Variants in PARG observed in about 807,000 individuals in gnomAD.
PARG encodes mitochondrial poly(ADP-ribose) glycohydrolase.
Under a neutral mutation model 113.0 loss-of-function variants are expected in PARG, and 35 were observed. That is an observed-to-expected ratio of 0.31 (90% CI 0.24 to 0.41). The LOEUF (loss-of-function observed/expected upper bound fraction) is 0.41. Ranked by LOEUF, PARG falls within the 10% of genes least tolerant of loss-of-function variation. The probability of loss-of-function intolerance (pLI) is 1.00; values close to 1 mark genes in which losing one functional copy is unlikely to be tolerated. For synonymous variants in PARG, 330 were observed against 409.9 expected, an observed-to-expected ratio of 0.81 and a Z score of 2.36; for missense variants, 797 against 1,169.4, an observed-to-expected ratio of 0.68 and a Z score of 4.64.
rs1426349403 is a variant in PARG, at chr10:49,852,467, C to T, written c.2353+4839G>A. 3.3e-5 allele frequency among the ~76,000 whole-genome samples: 5 copies of T among 151,454 alleles called. No homozygotes were observed. The East Asian group carries it at 9.7e-4, about 29-fold the overall frequency. On this transcript the variant is annotated intron_variant, in intron 13 of 17. Transcript: ENST00000616448. Reference sequence around the variant, plus strand: ...AAAAAAGAAAATATTCTTATGTTTTCCTTTTAACATTCCTGTTTTATTCCC... The same window carrying T: ...AAAAAAGAAAATATTCTTATGTTTTTCTTTTAACATTCCTGTTTTATTCCC...
chr10:49,931,324 CGTAGGACTAACAAAA>C (rs1838468202), intron 4 of PARG, among the ~76,000 whole-genome samples: 1 of 152,050 alleles, frequency 6.6e-6, no homozygotes, highest in African/African-American at 2.4e-5. Flanking sequence ...AGACTGCCAC[CGTAGGACTAACAAAA>C]TAGCCACAAG....
At chr10:49,896,811 C>CTTTTA (rs1206457689) in intron 7 of PARG, among the ~76,000 whole-genome samples, 5 of 152,070 alleles carry the variant, frequency 3.3e-5, no homozygotes, top group Admixed American at 1.3e-4. Flanking sequence ...ATATATATGG[C>CTTTTA]TTTATAAATG....
chr10:49,918,766 T>C (rs1588988716), intron 6 of PARG, among the ~76,000 whole-genome samples: 1 of 152,160 alleles, frequency 6.6e-6, no homozygotes, highest in South Asian at 2.1e-4. Context: ...ACAATTACCA[T>C]AAGCAGATAG....
At chr10:49,839,984 C>T (rs1022496563) in intron 15 of PARG, among the ~76,000 whole-genome samples, 1 of 152,146 alleles carries the variant, frequency 6.6e-6, no homozygotes, top group Admixed American at 6.5e-5. Context: ...TTATTCTACT[C>T]GATATGCTCT....
intron 6 of PARG, among the ~76,000 whole-genome samples, chr10:49,920,451 T>TAAAAAAAAAAAAAAAA (rs781928566): frequency 7.0e-4 from 28 of 39,830 alleles, no homozygotes; most frequent in Non-Finnish European, 1.0e-3. Flanking sequence ...AGCCTCAAAT[T>TAAAAAAAAAAAAAAAA]AAAAAAAAAA....
At chr10:49,876,938 T>C (rs1478031354) in intron 9 of PARG, among the ~76,000 whole-genome samples, 2 of 149,786 alleles carry the variant, frequency 1.3e-5, no homozygotes, top group South Asian at 2.1e-4. Flanking sequence ...GCATATTATA[T>C]ATAAAAAAAA....
chr10:49,836,809 CA>C (rs1844959129), intron 15 of PARG, among the ~76,000 whole-genome samples: 1 of 152,106 alleles, frequency 6.6e-6, no homozygotes, highest in Non-Finnish European at 1.5e-5. Context: ...CATCAATAAA[CA>C]GATCAATTTT....
At chr10:49,878,932 G>T (rs1847084740) in intron 9 of PARG, among the ~76,000 whole-genome samples, 1 of 152,044 alleles carries the variant, frequency 6.6e-6, no homozygotes, top group Non-Finnish European at 1.5e-5. Context: ...AGAAACAGAG[G>T]TGGGGATATG....
rs370632493 is a variant in PARG at position 49,925,629 on chromosome 10, C to T, written c.1456-2960G>A. On this transcript the variant is annotated intron_variant, in intron 4 of 17. Coordinates refer to ENST00000616448, the MANE Select transcript of PARG (RefSeq NM_003631.5). ...AGAATAAATTTCTTTAAATATTTTA[C>T]AGAGTTTGACTCTATTCACCAACAT... 1.0e-3 allele frequency among the ~76,000 whole-genome samples: 155 copies of T among 152,318 alleles called. 3 individuals are homozygous for T. In the South Asian group the frequency reaches 0.029, roughly 29 times the overall value.
intron 7 of PARG, among the ~76,000 whole-genome samples, chr10:49,892,276 C>T (rs1847845654): frequency 6.6e-6 from 1 of 151,784 alleles, no homozygotes; most frequent in Non-Finnish European, 1.5e-5. Flanking sequence ...TTAATGTAAA[C>T]AAAAAGAAAA....
At chr10:49,922,823 C>A (rs1251661890) in intron 4 of PARG, among the ~76,000 whole-genome samples, 154 bp from the exon 5 acceptor site, 1 of 152,214 alleles carries the variant, frequency 6.6e-6, no homozygotes, top group Non-Finnish European at 1.5e-5. Context: ...CCATTCCTCA[C>A]CTCCATTCAA....
At chr10:49,932,682 T>C (rs1838549739) in intron 3 of PARG, among the ~76,000 whole-genome samples, 2 of 152,224 alleles carry the variant, frequency 1.3e-5, no homozygotes, top group African/African-American at 4.8e-5. Flanking sequence ...ATATAAGCTT[T>C]GTAATATGAC....
chr10:49,824,647 C>T (rs1353447067), intron 16 of PARG, among the ~76,000 whole-genome samples: 2 of 152,108 alleles, frequency 1.3e-5, no homozygotes, highest in African/African-American at 2.4e-5. Context: ...TGGTGTGAGG[C>T]CACCAGCATG....
intron 16 of PARG, among the ~76,000 whole-genome samples, chr10:49,830,483 C>T (rs146157507): frequency 6.6e-6 from 1 of 152,156 alleles, no homozygotes; most frequent in Admixed American, 6.5e-5. Context: ...AAAGCTAACT[C>T]AGTAACTTCA....
Position 49,915,933 on chromosome 10 carries a change from A to C in PARG, c.1721T>G (p.Ile574Ser). ...YSKKWDFTAL[I>S]DFWDKVLEEA... ...TACTTTTACCTTATCCCAGAAATCGATCAAAGCTGTAAAGTCCCATTTCTT... is the reference window on the plus strand; with the variant it reads ...TACTTTTACCTTATCCCAGAAATCGCTCAAAGCTGTAAAGTCCCATTTCTT... The change falls in exon 7 of 18, where the codon ATC becomes AGC. Residue 574 changes from isoleucine (I) to serine (S), a missense_variant. Ile to Ser is a moderately radical substitution (Grantham distance 142). Transcript: ENST00000616448. 6.6e-7 allele frequency: 1 copy of C among 1,517,280 alleles called. No homozygotes were observed. The highest frequency in any genetic ancestry group is 9.0e-7 in the Non-Finnish European group (1 of 1,115,252). 94.0% of individuals were successfully genotyped at this position (1,517,280 alleles called of 1,614,324 possible).
intron 16 of PARG, among the ~76,000 whole-genome samples, chr10:49,826,150 C>T (rs566001215): frequency 1.5e-4 from 23 of 152,210 alleles, no homozygotes; most frequent in African/African-American, 5.5e-4. Context: ...CTCCAGACAC[C>T]TTTGAATGCA....
In PARG at chr10:49,854,586, GCT is replaced by G. The variant is rs1484896710; in HGVS notation, c.2353+2718_2353+2719del. Reference sequence around the variant, plus strand: ...CAGGAAAAACTAGAGAAAGCCCTCAGCTCTCTCCTCTGCCTGACCTTGACAGG... The same window carrying G: ...CAGGAAAAACTAGAGAAAGCCCTCAGCTCTCCTCTGCCTGACCTTGACAGG... On this transcript the variant is annotated intron_variant, in intron 13 of 17. Transcript: ENST00000616448. Among the ~76,000 whole-genome samples, 34 of 150,240 alleles carry G rather than the reference GCT, an allele frequency of 2.3e-4. 1 individual carries two copies. Among genetic ancestry groups the G allele is most frequent in the Non-Finnish European group, 4.1e-4 (28 of 67,684 alleles).
Position 49,941,932 on chromosome 10 carries a change from C to G in PARG, c.-207G>C, listed in dbSNP as rs1295599957. On this transcript the variant is annotated 5_prime_UTR_variant, in exon 1 of 18. Coordinates refer to ENST00000616448, the MANE Select transcript of PARG (RefSeq NM_003631.5). ...TGCCTTCCCTCTTCCACTGGCACCC[C>G]ACCTGCCTCAATGCGCCGCTTTGAT... is the stretch of plus-strand genomic sequence containing the variant. 28 of 1,004,786 alleles carry G rather than the reference C, an allele frequency of 2.8e-5. No homozygotes were observed. The East Asian group carries it at 6.7e-4, about 24-fold the overall frequency. The allele number at this position is 1,004,786 out of a possible 1,614,324, so 62.2% of individuals were successfully genotyped here. A position where few individuals can be genotyped will look rare whatever the true frequency, so the allele number is the denominator to read the frequency against.
chr10:49,859,554 AATG>A (rs1303234709), intron 12 of PARG, among the ~76,000 whole-genome samples: 3 of 152,150 alleles, frequency 2.0e-5, no homozygotes, highest in African/African-American at 7.2e-5. Flanking sequence ...CTAAAAGTAT[AATG>A]ATATTGTGAC....
Sources: allele counts gnomAD v4.1 joint callset (sites outside exome capture counted in the v4.1 genomes callset), GRCh38; gene constraint gnomAD v4.1.1; transcripts MANE v1.5; gene names NCBI Gene and HGNC (gene_info 2026-07-23, HGNC 2026-07-21).